Variants in PCDH9 observed in about 807,000 individuals in gnomAD.
The protein encoded by PCDH9 is protocadherin 9.
Under a neutral mutation model 70.6 loss-of-function variants are expected in PCDH9, and 24 were observed. That is an observed-to-expected ratio of 0.34 (90% CI 0.25 to 0.48). The LOEUF (loss-of-function observed/expected upper bound fraction) is 0.48. Ranked by LOEUF, PCDH9 falls within the 20% of genes least tolerant of loss-of-function variation. The pLI is 0.99. For missense variants in PCDH9, 1,281 were observed against 1,503.6 expected (o/e 0.85, Z 2.45); for synonymous variants, 562 against 558.5 (o/e 1.01, Z -0.09).
At chr13:66,576,068 A>AT (rs1401745917) in intron 4 of PCDH9, among the ~76,000 whole-genome samples, 3 of 149,118 alleles carry the variant, frequency 2.0e-5, no homozygotes, top group Non-Finnish European at 3.0e-5. Flanking sequence ...ATCACAGCAG[A>AT]TAAAAAAAAA....
intron 2 of PCDH9, among the ~76,000 whole-genome samples, chr13:67,173,960 C>A (rs1197516238): frequency 2.0e-5 from 3 of 151,982 alleles, no homozygotes; most frequent in Non-Finnish European, 4.4e-5. Flanking sequence ...TGAAAGTATC[C>A]ATGAAGAGGG....
Position 66,442,413 on chromosome 13 carries a change from G to A in PCDH9, c.3341-137385C>T, listed in dbSNP as rs188951012. 3.5e-3 allele frequency among the ~76,000 whole-genome samples: 525 copies of A among 152,118 alleles called. 2 individuals are homozygous for A. The highest frequency in any genetic ancestry group is 0.012 in the South Asian group (56 of 4,822). ...TAAACAAAGGTTATGGTTAGGTGAGGCCTTTAGTTAATCAGTTGGAGAAAT... is the reference window on the plus strand; with the variant it reads ...TAAACAAAGGTTATGGTTAGGTGAGACCTTTAGTTAATCAGTTGGAGAAAT... On this transcript the variant is annotated intron_variant, in intron 4 of 4. Transcript: ENST00000377865.
At chr13:66,506,567 A>T (rs1226850587) in intron 4 of PCDH9, among the ~76,000 whole-genome samples, 1 of 152,208 alleles carries the variant, frequency 6.6e-6, no homozygotes, top group East Asian at 1.9e-4. Flanking sequence ...GTAAGTAAAG[A>T]CACTGAGTGG....
At chr13:66,791,911 C>CA (rs1254279835) in intron 3 of PCDH9, among the ~76,000 whole-genome samples, 7 of 152,110 alleles carry the variant, frequency 4.6e-5, no homozygotes, top group African/African-American at 1.7e-4. Flanking sequence ...ATTATGCACA[C>CA]AAAAAATCTT....
At chr13:66,389,780 AG>A (rs1384295214) in intron 4 of PCDH9, among the ~76,000 whole-genome samples, 1 of 152,184 alleles carries the variant, frequency 6.6e-6, no homozygotes, top group African/African-American at 2.4e-5. Flanking sequence ...CAGTTTCATG[AG>A]GACTCAAAAA....
intron 4 of PCDH9, among the ~76,000 whole-genome samples, chr13:66,476,627 A>G (rs997677220): frequency 1.3e-5 from 2 of 152,064 alleles, no homozygotes; most frequent in African/African-American, 2.4e-5. Flanking sequence ...TCTCTGTCAC[A>G]AAGTGGACAT....
At chr13:67,167,116 C>T (rs994722177) in intron 2 of PCDH9, among the ~76,000 whole-genome samples, 5 of 152,104 alleles carry the variant, frequency 3.3e-5, no homozygotes, top group Non-Finnish European at 5.9e-5. Flanking sequence ...ATTCATGCTA[C>T]ATTATTTGAT....
chr13:66,906,430 T>C (rs1046004787), intron 2 of PCDH9, among the ~76,000 whole-genome samples: 4 of 152,228 alleles, frequency 2.6e-5, no homozygotes, highest in Non-Finnish European at 4.4e-5. Context: ...AGAATTGGAC[T>C]TAATATAAGG....
At chr13:66,826,918 A>G (rs2080833966) in intron 3 of PCDH9, among the ~76,000 whole-genome samples, 1 of 152,194 alleles carries the variant, frequency 6.6e-6, no homozygotes, top group Non-Finnish European at 1.5e-5. Flanking sequence ...AAATTAAATA[A>G]TGACTCCTCA....
intron 2 of PCDH9, among the ~76,000 whole-genome samples, chr13:66,913,353 T>C (rs1401418467): frequency 6.6e-6 from 1 of 152,030 alleles, no homozygotes; most frequent in Non-Finnish European, 1.5e-5. Context: ...CATTTCAAAT[T>C]GTGTTTTTGC....
In PCDH9 at chr13:66,303,464, A is replaced by G. The variant is rs1444855494; in HGVS notation, c.*1191T>C. 3 of 152,538 alleles carry G rather than the reference A, an allele frequency of 2.0e-5. No individual in the cohort carries two copies. Among genetic ancestry groups the G allele is most frequent in the Admixed American group, 1.3e-4 (2 of 15,224 alleles). The allele number at this position is 152,538 out of a possible 1,614,324, so 9.4% of individuals were successfully genotyped here. ...TGGAGAATGTTCTGTTACATCATGAAGGCACAACACATTAAATATTTTGTG... is the reference window on the plus strand; with the variant it reads ...TGGAGAATGTTCTGTTACATCATGAGGGCACAACACATTAAATATTTTGTG... On this transcript the variant is annotated 3_prime_UTR_variant, in exon 5 of 5. Coordinates refer to ENST00000377865, the MANE Select transcript of PCDH9 (RefSeq NM_203487.3).
rs2089918917 is a variant in PCDH9 at position 67,227,892 on chromosome 13, A to G, written c.549T>C (p.Asn183=). Residue 183 remains asparagine (N), a synonymous_variant, in exon 2 of 5, where the codon AAT becomes AAC. Coordinates refer to ENST00000377865, the MANE Select transcript of PCDH9 (RefSeq NM_203487.3). This position sits in a 1 kb window ranked among gnomAD's most constrained non-coding sequence, Gnocchi z 4.6. ...TATCCAGTCCAAAAACACTCTGCCC[A>G]TTTAACAATTCATAATGCTGTACAC... ...FNGVQHYELL[N]GQSVFGLDIV... 1 of 1,614,094 alleles carries G rather than the reference A, an allele frequency of 6.2e-7. No homozygotes were observed. Among genetic ancestry groups the G allele is most frequent in the Non-Finnish European group, 8.5e-7 (1 of 1,179,962 alleles).
chr13:67,086,732 G>A (rs2086115817), intron 2 of PCDH9, among the ~76,000 whole-genome samples: 1 of 152,118 alleles, frequency 6.6e-6, no homozygotes, highest in Admixed American at 6.6e-5. Context: ...AAAAGATAAA[G>A]ATGTCCCAGA....
At chr13:66,308,596 A>G (rs1955510411) in intron 4 of PCDH9, among the ~76,000 whole-genome samples, 2 of 152,098 alleles carry the variant, frequency 1.3e-5, no homozygotes, top group South Asian at 4.1e-4. Context: ...GAATCTGGGA[A>G]CAAGGTAACA....
intron 3 of PCDH9, among the ~76,000 whole-genome samples, chr13:66,659,238 G>A (rs2077973369): frequency 6.6e-6 from 1 of 152,264 alleles, no homozygotes; most frequent in South Asian, 2.1e-4. Context: ...GGTCATGTTT[G>A]TTTCACTGTC....
chr13:66,749,940 T>A (rs150853121), intron 3 of PCDH9, among the ~76,000 whole-genome samples: 1 of 152,148 alleles, frequency 6.6e-6, no homozygotes, highest in Non-Finnish European at 1.5e-5. Flanking sequence ...GATAAATGCA[T>A]ATAATTTTGA....
Position 67,225,609 on chromosome 13 carries a change from T to C in PCDH9, c.2832A>G (p.Pro944=), listed in dbSNP as rs761759617. 1 of 1,614,158 alleles carries C rather than the reference T, an allele frequency of 6.2e-7. No individual in the cohort carries two copies. The highest frequency in any genetic ancestry group is 8.5e-7 in the Non-Finnish European group (1 of 1,180,012). ...DLAKHYKSAS[P]QPAFHLKPDT... is the part of the protein sequence containing the mutation. ...CTGGTTTGAGATGAAAAGCAGGCTG[T>C]GGAGAAGCAGATTTGTAGTGCTTGG... is the stretch of plus-strand genomic sequence containing the variant. Residue 944 remains proline (P), a synonymous_variant, in exon 2 of 5, where the codon CCA becomes CCG. Transcript: ENST00000377865.
intron 3 of PCDH9, among the ~76,000 whole-genome samples, chr13:66,693,004 A>T (rs112413944): frequency 0.017 from 2,590 of 152,166 alleles, 84 homozygotes; most frequent in African/African-American, 0.059. Context: ...TATTATCAAA[A>T]CTCAAAAGAA....
chr13:66,893,411 T>C (rs2082127056), intron 3 of PCDH9, among the ~76,000 whole-genome samples: 1 of 152,156 alleles, frequency 6.6e-6, no homozygotes, highest in Non-Finnish European at 1.5e-5. Flanking sequence ...GCACAGCTTA[T>C]CTGGGGTTTA....
Sources: allele counts gnomAD v4.1 joint callset (sites outside exome capture counted in the v4.1 genomes callset), GRCh38; gene constraint gnomAD v4.1.1; non-coding constraint Gnocchi (gnomAD v3.1); transcripts MANE v1.5; gene names NCBI Gene and HGNC (gene_info 2026-07-23, HGNC 2026-07-21).